The following TAFA5 variants were observed in gnomAD, a reference collection of about 807,000 sequenced individuals.
TAFA5 encodes chemokine-like protein TAFA-5.
A neutral mutation model predicts 15.3 loss-of-function variants in TAFA5; 6 were observed. That is an observed-to-expected ratio of 0.39 (90% confidence interval 0.21 to 0.77). The LOEUF is 0.77. TAFA5 is among the 30% of genes least tolerant of loss of function. The probability of loss-of-function intolerance (pLI) is 0.41; values close to 1 mark genes in which losing one functional copy is unlikely to be tolerated. For synonymous variants in TAFA5, 103 were observed against 80.7 expected, an observed-to-expected ratio of 1.28 and a Z score of -1.48; for missense variants, 161 against 193.1, an observed-to-expected ratio of 0.83 and a Z score of 0.98.
intron 3 of TAFA5, among the ~76,000 whole-genome samples, chr22:48,741,365 G>A (rs558171610): frequency 6.6e-6 from 1 of 152,334 alleles, no homozygotes; most frequent in Admixed American, 6.5e-5. Context: ...CACCCGGCAT[G>A]TTCCCCAGCA....
At chr22:48,690,174 A>G (rs904705496) in intron 2 of TAFA5, among the ~76,000 whole-genome samples, 2 of 152,002 alleles carry the variant, frequency 1.3e-5, no homozygotes, top group African/African-American at 4.8e-5. Flanking sequence ...TCAGCCTGCC[A>G]GGCAAGGGGA....
At chr22:48,497,484 T>C (rs1478608341) in intron 1 of TAFA5, among the ~76,000 whole-genome samples, 1 of 150,808 alleles carries the variant, frequency 6.6e-6, no homozygotes, top group Admixed American at 6.6e-5. Context: ...TCAGTCTGGG[T>C]TTAGGCCTGG....
At chr22:48,673,005 G>A (rs1458664464) in intron 2 of TAFA5, among the ~76,000 whole-genome samples, 2 of 152,116 alleles carry the variant, frequency 1.3e-5, no homozygotes, top group African/African-American at 4.8e-5. Context: ...CAAAAACCCT[G>A]ACCCCAAGGC....
intron 1 of TAFA5, among the ~76,000 whole-genome samples, chr22:48,587,600 G>A (rs1275570658): frequency 6.6e-6 from 1 of 152,118 alleles, no homozygotes; most frequent in East Asian, 1.9e-4. Flanking sequence ...CAGGGTAGCC[G>A]GTGTCACCTG....
At chr22:48,707,888 T>C (rs1394386437) in intron 3 of TAFA5, 44 bp downstream of exon 3, 1 of 1,594,038 alleles carries the variant, frequency 6.3e-7, no homozygotes, top group Non-Finnish European at 8.5e-7. Flanking sequence ...GGGGAGGGGG[T>C]ATGTGTGTGC....
rs1378457089 is a variant in TAFA5, at chr22:48,566,030, C to T, written c.112+76326C>T. ...GGATGGATTGTGGCTAGATGGATGA[C>T]GGATAGATGATGAGCTGATGATGGA... On this transcript the variant is annotated intron_variant, in intron 1 of 3. Coordinates refer to ENST00000402357, the MANE Select transcript of TAFA5 (RefSeq NM_001082967.3). This position sits in a 1 kb window ranked among gnomAD's most constrained non-coding sequence, Gnocchi z 4.5. 8.8e-5 allele frequency among the ~76,000 whole-genome samples: 13 copies of T among 147,954 alleles called. No individual in the cohort carries two copies. In the South Asian group the frequency reaches 1.3e-3, roughly 15 times the overall value.
chr22:48,706,282 C>G (rs561933527), intron 2 of TAFA5, among the ~76,000 whole-genome samples: 7 of 152,352 alleles, frequency 4.6e-5, no homozygotes, highest in African/African-American at 1.7e-4. Flanking sequence ...CCACATCCAA[C>G]AAGATGAGTT....
chr22:48,688,744 A>G (rs1011675322), intron 2 of TAFA5, among the ~76,000 whole-genome samples: 8 of 152,220 alleles, frequency 5.3e-5, no homozygotes, highest in African/African-American at 1.9e-4. Context: ...TAATCTCAGC[A>G]CTTTGGGAGG....
At chr22:48,686,857 G>A (rs1233546081) in intron 2 of TAFA5, among the ~76,000 whole-genome samples, 1 of 150,722 alleles carries the variant, frequency 6.6e-6, no homozygotes, top group African/African-American at 2.4e-5. Context: ...ATGGACTAAT[G>A]GATGGATGGA....
intron 2 of TAFA5, among the ~76,000 whole-genome samples, chr22:48,689,010 A>G (rs892414397): frequency 1.2e-4 from 14 of 118,278 alleles, no homozygotes; most frequent in East Asian, 4.7e-4. Context: ...AAAAAAAAAA[A>G]AGAGAGAGAA....
chr22:48,734,568 G>A (rs1402794932), intron 3 of TAFA5, among the ~76,000 whole-genome samples: 2 of 152,348 alleles, frequency 1.3e-5, no homozygotes, highest in South Asian at 4.1e-4. Flanking sequence ...GCTTTGGGGC[G>A]GCCTGCCTGG....
At chr22:48,636,627 G>GCCTGTGTGGATCGCTCT (rs1337513862) in intron 1 of TAFA5, among the ~76,000 whole-genome samples, 1 of 152,184 alleles carries the variant, frequency 6.6e-6, no homozygotes, top group African/African-American at 2.4e-5. Context: ...TCTGTTGTGG[G>GCCTGTGTGGATCGCTCT]GAGACGCTCC....
intron 1 of TAFA5, among the ~76,000 whole-genome samples, chr22:48,601,249 T>C (rs1415439550): frequency 6.6e-6 from 1 of 152,234 alleles, no homozygotes; most frequent in Non-Finnish European, 1.5e-5. Flanking sequence ...ATGTATCCCT[T>C]ATGGAGAAGG....
intron 1 of TAFA5, among the ~76,000 whole-genome samples, chr22:48,590,018 G>A (rs527768948): frequency 2.2e-5 from 3 of 138,862 alleles, no homozygotes; most frequent in Admixed American, 7.5e-5. Context: ...TGTGTCACGC[G>A]CACATGCACG....
intron 1 of TAFA5, among the ~76,000 whole-genome samples, chr22:48,557,868 G>A (rs1349775465): frequency 6.6e-6 from 1 of 152,362 alleles, no homozygotes; most frequent in East Asian, 1.9e-4. Flanking sequence ...CCCTGAAAAT[G>A]GGTCCCAGGA....
In TAFA5 at chr22:48,616,684, C is replaced by T. The variant is rs538513944; in HGVS notation, c.113-29913C>T. Among the ~76,000 whole-genome samples the T allele has an allele frequency of 6.2e-4, 95 of 152,340 alleles. 1 individual carries two copies. Among genetic ancestry groups the T allele is most frequent in the South Asian group, 6.2e-4 (3 of 4,830 alleles). Reference sequence around the variant, plus strand: ...CCAGATGGGCCACTGAAGCCCAAAACTTCTTCCTGCCTATCCCACCCTCTG... The same window carrying T: ...CCAGATGGGCCACTGAAGCCCAAAATTTCTTCCTGCCTATCCCACCCTCTG... On this transcript the variant is annotated intron_variant, in intron 1 of 3. Transcript: ENST00000402357.
At chr22:48,646,217 G>A (rs552903643) in intron 1 of TAFA5, among the ~76,000 whole-genome samples, 4 of 152,154 alleles carry the variant, frequency 2.6e-5, no homozygotes, top group Non-Finnish European at 4.4e-5. Context: ...ACTGTGCCTC[G>A]TACAGCCCGG....
chr22:48,499,799 G>A (rs531297772), intron 1 of TAFA5, among the ~76,000 whole-genome samples: 35 of 152,298 alleles, frequency 2.3e-4, no homozygotes, highest in Non-Finnish European at 3.1e-4. Flanking sequence ...AGGGCAAGGC[G>A]GACCTTCCCT....
chr22:48,490,200 C>T lies in TAFA5; in HGVS notation c.112+496C>T, dbSNP rs1928096242. Among the ~76,000 whole-genome samples, 1 of 152,134 alleles carries T rather than the reference C, an allele frequency of 6.6e-6. No homozygotes were observed. Among genetic ancestry groups the T allele is most frequent in the South Asian group, 2.1e-4 (1 of 4,834 alleles). On this transcript the variant is annotated intron_variant, in intron 1 of 3. Transcript: ENST00000402357. The surrounding 1 kb of genome is among the most constrained non-coding windows in gnomAD (Gnocchi z 5.8). ...GCCCAGCCTGGGCTCGGAGGAGCAG[C>T]TGGAGCTTCCGCTTTCCCGGGAAAC...
Sources: allele counts gnomAD v4.1 joint callset (sites outside exome capture counted in the v4.1 genomes callset), GRCh38; gene constraint gnomAD v4.1.1; non-coding constraint Gnocchi (gnomAD v3.1); transcripts MANE v1.5; gene names NCBI Gene and HGNC (gene_info 2026-07-23, HGNC 2026-07-21).